The following GRIN2B variants were observed in gnomAD, a reference collection of about 807,000 sequenced individuals.
GRIN2B encodes the protein glutamate receptor ionotropic, NMDA 2B.
GRIN2B carries 5 observed loss-of-function variants against 114.5 expected under a neutral mutation model. The observed-to-expected ratio is 0.04, with a 90% confidence interval of 0.02 to 0.09. GRIN2B has a LOEUF of 0.09. Ranked by LOEUF, GRIN2B falls within the 10% of genes least tolerant of loss-of-function variation. The pLI, the probability that GRIN2B is intolerant of heterozygous loss-of-function variation, is 1.00. For missense variants in GRIN2B, 1,108 were observed against 1,943.5 expected (o/e 0.57, Z 8.08); for synonymous variants, 787 against 745.1 (o/e 1.06, Z -0.92).
chr12:13,900,274 G>A (rs1014005831), intron 2 of GRIN2B, among the ~76,000 whole-genome samples: 2 of 152,000 alleles, frequency 1.3e-5, no homozygotes, highest in African/African-American at 4.8e-5. Context: ...AGGAGTTCGA[G>A]ACCAGCCTGA....
intron 3 of GRIN2B, among the ~76,000 whole-genome samples, chr12:13,796,122 T>C (rs1404173690): frequency 6.7e-6 from 1 of 149,760 alleles, no homozygotes; most frequent in Non-Finnish European, 1.5e-5. Flanking sequence ...GTGTATGGTA[T>C]GCAATAAGAG....
At position 13,911,563 on chromosome 12, in the gene GRIN2B, T is replaced by A. The variant is rs73309926; in HGVS notation, c.-18-45337A>T. Among the ~76,000 whole-genome samples, 1,030 of 152,290 alleles carry A rather than the reference T, an allele frequency of 6.8e-3. 17 individuals carry two copies. The highest frequency in any genetic ancestry group is 0.023 in the African/African-American group (969 of 41,558). On this transcript the variant is annotated intron_variant, in intron 2 of 13. Transcript: ENST00000609686. ...CAGGCAATAAATCAAAATCATGTCT[T>A]CTGTCTTTCTGGTGGGTCCCTTTTC...
intron 4 of GRIN2B, among the ~76,000 whole-genome samples, chr12:13,722,746 T>G (rs1349985694): frequency 1.3e-5 from 2 of 152,120 alleles, no homozygotes; most frequent in African/African-American, 4.8e-5. Flanking sequence ...AGTGACGATT[T>G]GAGATCCGTG....
chr12:13,744,428 C>A (rs902907674), intron 4 of GRIN2B, among the ~76,000 whole-genome samples: 1 of 152,102 alleles, frequency 6.6e-6, no homozygotes, highest in South Asian at 2.1e-4. Flanking sequence ...TGAGTGTGTG[C>A]GTGCAAGAAT....
rs1863514055 is a variant in GRIN2B at position 13,753,162 on chromosome 12, A to C, written c.1010+155T>G. Among the ~76,000 whole-genome samples, 1 of 151,958 alleles carries C rather than the reference A, an allele frequency of 6.6e-6. No individual in the cohort carries two copies. Among genetic ancestry groups the C allele is most frequent in the African/African-American group, 2.4e-5 (1 of 41,350 alleles). On this transcript the variant is annotated intron_variant, in intron 4 of 13. Coordinates refer to ENST00000609686, the MANE Select transcript of GRIN2B (RefSeq NM_000834.5). This position sits in a 1 kb window ranked among gnomAD's most constrained non-coding sequence, Gnocchi z 6.2. Reference sequence around the variant, plus strand: ...GTTTTGGCAAGGTTGGATCCAAAACACTCCCCCAATCATGACCAATTGCCA... The same window carrying C: ...GTTTTGGCAAGGTTGGATCCAAAACCCTCCCCCAATCATGACCAATTGCCA...
At chr12:13,736,291 A>G (rs1194494857) in intron 4 of GRIN2B, among the ~76,000 whole-genome samples, 1 of 152,108 alleles carries the variant, frequency 6.6e-6, no homozygotes, top group Admixed American at 6.5e-5. Flanking sequence ...CAGATTAACT[A>G]TGGTGCCTCT....
At chr12:13,798,579 A>G (rs944896506) in intron 3 of GRIN2B, among the ~76,000 whole-genome samples, 4 of 152,242 alleles carry the variant, frequency 2.6e-5, no homozygotes, top group Admixed American at 6.5e-5. Context: ...GCTTATTATC[A>G]TATGTATTTA....
At chr12:13,918,911 T>G (rs1866775738) in intron 2 of GRIN2B, among the ~76,000 whole-genome samples, 1 of 152,206 alleles carries the variant, frequency 6.6e-6, no homozygotes, top group Non-Finnish European at 1.5e-5. Context: ...TTCTCAATCC[T>G]TCCACCCACT....
intron 10 of GRIN2B, among the ~76,000 whole-genome samples, chr12:13,592,207 A>G (rs1949017418): frequency 6.6e-6 from 1 of 152,134 alleles, no homozygotes; most frequent in African/African-American, 2.4e-5. Flanking sequence ...AAGTTGATAG[A>G]AACAAGAAAG....
At chr12:13,907,109 T>C (rs1008995715) in intron 2 of GRIN2B, among the ~76,000 whole-genome samples, 6 of 142,744 alleles carry the variant, frequency 4.2e-5, no homozygotes, top group Admixed American at 1.5e-4. Context: ...TCATTCTAAA[T>C]GTAAAGCAAT....
At position 13,704,385 on chromosome 12, in the gene GRIN2B, G is replaced by T. The variant is rs983881981; in HGVS notation, c.1011-28526C>A. ...CCCTGTGAAACACACTGCTTGAATG[G>T]CCAATCCTTGAACATGCATTTTACC... On this transcript the variant is annotated intron_variant, in intron 4 of 13. Coordinates refer to ENST00000609686, the MANE Select transcript of GRIN2B (RefSeq NM_000834.5). Among the ~76,000 whole-genome samples, 24 of 152,160 alleles carry T rather than the reference G, an allele frequency of 1.6e-4. 1 individual carries two copies. The highest frequency in any genetic ancestry group is 5.8e-4 in the African/African-American group (24 of 41,430).
intron 12 of GRIN2B, among the ~76,000 whole-genome samples, chr12:13,569,558 C>G (rs778746232): frequency 6.6e-6 from 1 of 152,116 alleles, no homozygotes; most frequent in Admixed American, 6.5e-5. Flanking sequence ...TTGCAGACCC[C>G]GGAAGAGATT....
At position 13,808,012 on chromosome 12, in the gene GRIN2B, G is replaced by A. The variant is rs185498616; in HGVS notation, c.412-54097C>T. On this transcript the variant is annotated intron_variant, in intron 3 of 13. Coordinates refer to ENST00000609686, the MANE Select transcript of GRIN2B (RefSeq NM_000834.5). ...ATGATTCTAGATGACATTACCCACT[G>A]TAAAGTTAAATGCAAATGTGTGGGA... Among the ~76,000 whole-genome samples, 5 of 152,216 alleles carry A rather than the reference G, an allele frequency of 3.3e-5. No individual in the cohort carries two copies. In the East Asian group the frequency reaches 9.7e-4, roughly 29 times the overall value.
intron 5 of GRIN2B, among the ~76,000 whole-genome samples, chr12:13,629,077 TTCTC>T (rs370370968): frequency 2.0e-5 from 3 of 152,240 alleles, no homozygotes; most frequent in Non-Finnish European, 4.4e-5. Context: ...GTACTTACTG[TTCTC>T]TCTAAGGTGA....
At chr12:13,874,554 TTAATTA>T (rs1358902789) in intron 2 of GRIN2B, among the ~76,000 whole-genome samples, 1 of 152,224 alleles carries the variant, frequency 6.6e-6, no homozygotes, top group East Asian at 1.9e-4. Flanking sequence ...CACGCAGTTC[TTAATTA>T]TAATTAATTT....
rs77070850 is a variant in GRIN2B at position 13,948,787 on chromosome 12, G to A, written c.-19+31141C>T. ...CAAAAGTTGTGGTGCTGCGACACCC[G>A]GAATGTAAGGAAGGTAACTGGTGAC... On this transcript the variant is annotated intron_variant, in intron 2 of 13. Coordinates refer to ENST00000609686, the MANE Select transcript of GRIN2B (RefSeq NM_000834.5). 4.3e-4 allele frequency among the ~76,000 whole-genome samples: 65 copies of A among 152,174 alleles called. No individual in the cohort carries two copies. In the East Asian group the frequency reaches 0.012, roughly 28 times the overall value.
chr12:13,904,298 C>G (rs1189484145), intron 2 of GRIN2B, among the ~76,000 whole-genome samples: 1 of 151,838 alleles, frequency 6.6e-6, no homozygotes, highest in South Asian at 2.1e-4. Context: ...AAATTCTACA[C>G]TTGGTTTCTG....
intron 2 of GRIN2B, among the ~76,000 whole-genome samples, chr12:13,974,623 T>C (rs1379176900): frequency 6.6e-6 from 1 of 152,152 alleles, no homozygotes; most frequent in Non-Finnish European, 1.5e-5. Flanking sequence ...ATAATTTAAA[T>C]GTCAACCCCT....
intron 3 of GRIN2B, among the ~76,000 whole-genome samples, chr12:13,855,722 G>T (rs1300023631): frequency 6.6e-6 from 1 of 152,168 alleles, no homozygotes; most frequent in Non-Finnish European, 1.5e-5. Flanking sequence ...AATAATTCAA[G>T]ATGATCTCAT....
Sources: gnomAD v4.1 joint callset for allele counts (sites outside exome capture counted in the v4.1 genomes callset) on GRCh38, gnomAD v4.1.1 for gene constraint, Gnocchi (gnomAD v3.1) non-coding constraint, MANE v1.5 for transcripts, NCBI Gene and HGNC (gene_info 2026-07-23, HGNC 2026-07-21) for gene names.